The following SPOCK1 variants were observed in gnomAD, a reference collection of about 807,000 sequenced individuals.
SPOCK1 encodes SPARC (osteonectin), cwcv and kazal like domains proteoglycan 1.
A neutral mutation model predicts 55.3 loss-of-function variants in SPOCK1; 23 were observed. That is an observed-to-expected ratio of 0.42 (90% confidence interval 0.30 to 0.59). The LOEUF (loss-of-function observed/expected upper bound fraction) is 0.59. Among genes scored for constraint, SPOCK1 ranks in the 20% least tolerant of loss-of-function variants. SPOCK1 has a pLI of 0.22. For missense variants in SPOCK1, 499 were observed against 552.5 expected (o/e 0.90, Z 0.97); for synonymous variants, 226 against 221.0 (o/e 1.02, Z -0.20).
At chr5:137,395,245 A>G (rs1217542187) in intron 2 of SPOCK1, among the ~76,000 whole-genome samples, 1 of 152,222 alleles carries the variant, frequency 6.6e-6, no homozygotes, top group Admixed American at 6.5e-5. Context: ...TTCTGACGTG[A>G]TCTGGATACA....
intron 6 of SPOCK1, among the ~76,000 whole-genome samples, chr5:136,997,467 A>C (rs1322364374): frequency 6.6e-6 from 1 of 152,014 alleles, no homozygotes. Flanking sequence ...ACATTTGATC[A>C]AGTCACTCTC....
At chr5:137,226,502 C>T (rs1049347233) in intron 3 of SPOCK1, among the ~76,000 whole-genome samples, 3 of 152,194 alleles carry the variant, frequency 2.0e-5, no homozygotes, top group Non-Finnish European at 4.4e-5. Flanking sequence ...CCCACAGAGG[C>T]CACCTCATCC....
intron 6 of SPOCK1, among the ~76,000 whole-genome samples, chr5:137,026,349 AAGTCAGTAGACTGAGTAAAGC>A (rs1241279396): frequency 4.1e-4 from 62 of 152,352 alleles, no homozygotes; most frequent in African/African-American, 1.4e-3. Flanking sequence ...ATTAACATTT[AAGTCAGTAGACTGAGTAAAGC>A]AGATGACTCT....
intron 2 of SPOCK1, among the ~76,000 whole-genome samples, chr5:137,389,899 G>T (rs1478459308): frequency 6.6e-6 from 1 of 152,168 alleles, no homozygotes; most frequent in Non-Finnish European, 1.5e-5. Context: ...TCTGTGATGT[G>T]AGTCTGTCAA....
At chr5:137,031,999 TATATA>T (rs1333904117) in intron 6 of SPOCK1, among the ~76,000 whole-genome samples, 1 of 148,160 alleles carries the variant, frequency 6.7e-6, no homozygotes, top group East Asian at 1.9e-4. Context: ...ATATACATAA[TATATA>T]ATAAAAAGAA....
chr5:137,245,592 A>G (rs374803838), intron 3 of SPOCK1, among the ~76,000 whole-genome samples: 128 of 152,292 alleles, frequency 8.4e-4, no homozygotes, highest in African/African-American at 2.9e-3. Flanking sequence ...GGTCCAGATG[A>G]AAGTGCCCAG....
intron 2 of SPOCK1, chr5:137,364,829 A>T (rs1751022402): frequency 6.6e-6 from 1 of 152,212 alleles, no homozygotes; most frequent in Non-Finnish European, 1.5e-5. Context: ...TCTGTCACTT[A>T]TTACCATGTG....
Position 137,262,552 on chromosome 5 carries a change from A to G in SPOCK1, c.232+4458T>C, listed in dbSNP as rs564618399. Among the ~76,000 whole-genome samples, 7 of 152,346 alleles carry G rather than the reference A, an allele frequency of 4.6e-5. No individual in the cohort carries two copies. In the South Asian group the frequency reaches 1.5e-3, roughly 32 times the overall value. ...CTGATAACTGGGAGTGTCCCCCAAG[A>G]GACGTCTTCCTTAGTGTTGTCCCTA... On this transcript the variant is annotated intron_variant, in intron 3 of 10. Transcript: ENST00000394945.
intron 3 of SPOCK1, among the ~76,000 whole-genome samples, chr5:137,218,967 A>C (rs1392600586): frequency 1.3e-5 from 2 of 152,206 alleles, no homozygotes; most frequent in Admixed American, 1.3e-4. Flanking sequence ...GACAAAATGC[A>C]GGGTCCCCAC....
rs369621355 is a variant in SPOCK1, at chr5:136,997,624, C to G, written c.590-5024G>C. ...TCCTCCTCAACCTTCACGCTCTGGC[C>G]TTACTGCCCCTCCGACATGCTCTTC... On this transcript the variant is annotated intron_variant, in intron 6 of 10. Transcript: ENST00000394945. Among the ~76,000 whole-genome samples, 5 of 152,340 alleles carry G rather than the reference C, an allele frequency of 3.3e-5. No homozygotes were observed. In the East Asian group the frequency reaches 9.6e-4, roughly 29 times the overall value.
intron 6 of SPOCK1, among the ~76,000 whole-genome samples, chr5:137,056,176 C>A (rs558787813): frequency 2.6e-4 from 39 of 152,204 alleles, no homozygotes; most frequent in African/African-American, 9.4e-4. Flanking sequence ...AGCTGAAGAC[C>A]CTGGTGGACA....
chr5:137,488,915 C>T (rs1344469984), intron 2 of SPOCK1, among the ~76,000 whole-genome samples: 1 of 152,160 alleles, frequency 6.6e-6, no homozygotes, highest in Non-Finnish European at 1.5e-5. Flanking sequence ...TCCGCCCTTC[C>T]TCCCTTTCCC....
intron 2 of SPOCK1, among the ~76,000 whole-genome samples, chr5:137,278,208 C>T (rs183798400): frequency 2.6e-5 from 4 of 152,332 alleles, no homozygotes; most frequent in Admixed American, 2.6e-4. Flanking sequence ...CTAGCTGCCA[C>T]CTTGCAGCCC....
chr5:137,199,318 C>G (rs1755365312), intron 3 of SPOCK1, among the ~76,000 whole-genome samples: 1 of 152,184 alleles, frequency 6.6e-6, no homozygotes, highest in Admixed American at 6.5e-5. Context: ...CCACTCAGGC[C>G]AGCAATGACC....
At chr5:137,379,568 A>G (rs1191931416) in intron 2 of SPOCK1, among the ~76,000 whole-genome samples, 3 of 126,798 alleles carry the variant, frequency 2.4e-5, no homozygotes, top group East Asian at 5.0e-4. Flanking sequence ...CACCCTGCAA[A>G]TGCTCCTGAG....
intron 2 of SPOCK1, among the ~76,000 whole-genome samples, chr5:137,339,170 C>A (rs1447472348): frequency 6.6e-6 from 1 of 152,110 alleles, no homozygotes; most frequent in Non-Finnish European, 1.5e-5. Context: ...ATATCACAGC[C>A]ACCAGCATCC....
intron 6 of SPOCK1, among the ~76,000 whole-genome samples, chr5:137,004,439 A>T (rs1157385908): frequency 6.6e-6 from 1 of 152,130 alleles, no homozygotes; most frequent in African/African-American, 2.4e-5. Context: ...TCCTGAGGGC[A>T]TGATTAGGTA....
At chr5:137,254,597 C>T (rs958918) in intron 3 of SPOCK1, among the ~76,000 whole-genome samples, 10,273 of 152,252 alleles carry the variant, frequency 0.067, 1,059 homozygotes, top group African/African-American at 0.23. Context: ...TAAATATGTA[C>T]GTATGTGTGC....
intron 3 of SPOCK1, among the ~76,000 whole-genome samples, chr5:137,240,919 T>C (rs1360148456): frequency 6.6e-6 from 1 of 152,096 alleles, no homozygotes; most frequent in African/African-American, 2.4e-5. Context: ...CAAATACAAA[T>C]GGAAATACTT....
Sources: gnomAD v4.1 joint callset for allele counts (sites outside exome capture counted in the v4.1 genomes callset) on GRCh38, gnomAD v4.1.1 for gene constraint, MANE v1.5 for transcripts, NCBI Gene and HGNC (gene_info 2026-07-23, HGNC 2026-07-21) for gene names.